Variants in MYO16 observed in about 807,000 individuals in gnomAD.
MYO16 encodes the protein unconventional myosin-XVI.
Under a neutral mutation model 205.3 loss-of-function variants are expected in MYO16, and 94 were observed. The ratio of observed to expected loss-of-function variants is 0.46; its 90% CI spans 0.39 to 0.54. MYO16 has a LOEUF of 0.54. Among genes scored for constraint, MYO16 ranks in the 20% least tolerant of loss-of-function variants. The probability of loss-of-function intolerance (pLI) is 0.00; values close to 1 mark genes in which losing one functional copy is unlikely to be tolerated. For synonymous variants in MYO16, 988 were observed against 954.0 expected, an observed-to-expected ratio of 1.04 and a Z score of -0.66; for missense variants, 2,315 against 2,387.5, an observed-to-expected ratio of 0.97 and a Z score of 0.63.
chr13:109,178,711 G>A (rs552078414), intron 33 of MYO16, among the ~76,000 whole-genome samples: 1 of 152,238 alleles, frequency 6.6e-6, no homozygotes, highest in Admixed American at 6.5e-5. Context: ...TGCCCTCCAA[G>A]GAACTTTTGG....
chr13:108,667,465 G>T (rs1383446375), intron 2 of MYO16, among the ~76,000 whole-genome samples: 1 of 152,014 alleles, frequency 6.6e-6, no homozygotes. Context: ...TTTCTGGAAA[G>T]CTGTCTGGAG....
chr13:108,662,473 A>T (rs1594187079), intron 1 of MYO16, among the ~76,000 whole-genome samples: 1 of 151,690 alleles, frequency 6.6e-6, no homozygotes, highest in Non-Finnish European at 1.5e-5. Context: ...GCTTTGGGGG[A>T]TGGTGGTGAG....
At chr13:108,983,811 T>C (rs1321033069) in intron 20 of MYO16, among the ~76,000 whole-genome samples, 1 of 152,160 alleles carries the variant, frequency 6.6e-6, no homozygotes, top group Non-Finnish European at 1.5e-5. Context: ...AGGTTGAAAT[T>C]GTGAGGAAGT....
chr13:108,661,179 T>C (rs1052784045), intron 1 of MYO16, among the ~76,000 whole-genome samples: 3 of 152,188 alleles, frequency 2.0e-5, no homozygotes, highest in Non-Finnish European at 2.9e-5. Context: ...TTTTCTTTCT[T>C]AGGTTACCTG....
At chr13:109,134,076 G>C (rs57209635) in intron 31 of MYO16, among the ~76,000 whole-genome samples, 1 of 152,092 alleles carries the variant, frequency 6.6e-6, no homozygotes, top group Non-Finnish European at 1.5e-5. Flanking sequence ...TGATAATGTC[G>C]ATCATGATGG....
chr13:108,634,473 A>G (rs1880132943), intron 1 of MYO16, among the ~76,000 whole-genome samples: 1 of 151,996 alleles, frequency 6.6e-6, no homozygotes, highest in Admixed American at 6.6e-5. Context: ...CTTCCAATTA[A>G]GCAAAAGTCC....
the MYO16 span, among the ~76,000 whole-genome samples, chr13:108,525,965 G>T: frequency 2.0e-5 from 3 of 151,136 alleles, no homozygotes; most frequent in Admixed American, 1.3e-4. Flanking sequence ...CTGGGGAGGG[G>T]ATAGGGAGGA....
chr13:108,562,634 C>A, the MYO16 span, among the ~76,000 whole-genome samples: 8 of 152,098 alleles, frequency 5.3e-5, no homozygotes, highest in African/African-American at 1.9e-4. Flanking sequence ...CAGTCACATG[C>A]CACATAATGA....
At chr13:108,645,047 C>T (rs1880689613) in intron 1 of MYO16, among the ~76,000 whole-genome samples, 1 of 152,154 alleles carries the variant, frequency 6.6e-6, no homozygotes, top group Non-Finnish European at 1.5e-5. Context: ...GAAACAGTAG[C>T]AGAGACATCA....
chr13:108,793,831 G>C (rs143703185), intron 6 of MYO16, among the ~76,000 whole-genome samples, 191 bp downstream of exon 6: 5 of 152,124 alleles, frequency 3.3e-5, no homozygotes, highest in African/African-American at 1.2e-4. Flanking sequence ...CCCATTATTG[G>C]GTGTCTACCC....
At chr13:108,941,914 C>T (rs999955112) in intron 16 of MYO16, among the ~76,000 whole-genome samples, 12 of 152,190 alleles carry the variant, frequency 7.9e-5, no homozygotes, top group African/African-American at 2.9e-4. Context: ...ACTACAGACA[C>T]ATTATACTCC....
the MYO16 span, among the ~76,000 whole-genome samples, chr13:108,505,990 T>C: frequency 6.6e-6 from 1 of 152,184 alleles, no homozygotes; most frequent in African/African-American, 2.4e-5. Flanking sequence ...GAATTTATTC[T>C]GGGCTCTCTA....
intron 2 of MYO16, among the ~76,000 whole-genome samples, chr13:108,689,454 C>A (rs960991765): frequency 7.9e-5 from 12 of 151,960 alleles, no homozygotes; most frequent in African/African-American, 2.7e-4. Context: ...TGTAAAGGAA[C>A]CCACTTTATT....
chr13:109,152,274 G>A (rs1025980970), intron 32 of MYO16, among the ~76,000 whole-genome samples: 3 of 152,086 alleles, frequency 2.0e-5, no homozygotes, highest in African/African-American at 4.8e-5. Context: ...GAGAAGCTAC[G>A]GGACCTTGAT....
At chr13:108,674,636 T>A (rs10492419) in intron 2 of MYO16, among the ~76,000 whole-genome samples, 1,990 of 152,266 alleles carry the variant, frequency 0.013, 37 homozygotes, top group African/African-American at 0.046. Context: ...TTAGAATCCG[T>A]CAAATCTACT....
At chr13:108,506,122 C>T in the MYO16 span, among the ~76,000 whole-genome samples, 7 of 151,526 alleles carry the variant, frequency 4.6e-5, no homozygotes, top group African/African-American at 1.7e-4. Context: ...CTTTTTTTCT[C>T]AGTATTGTTT....
intron 16 of MYO16, among the ~76,000 whole-genome samples, chr13:108,914,445 T>C (rs1336654992): frequency 2.0e-5 from 3 of 152,148 alleles, no homozygotes; most frequent in Non-Finnish European, 4.4e-5. Context: ...TTGGATGAAG[T>C]ACACTAAGTC....
intron 16 of MYO16, among the ~76,000 whole-genome samples, chr13:108,927,690 G>A (rs1044499695): frequency 5.9e-5 from 9 of 152,238 alleles, no homozygotes; most frequent in Non-Finnish European, 1.0e-4. Flanking sequence ...CCAAGCGGAC[G>A]GACAGACATG....
chr13:108,888,035 A>G (rs1879984985), intron 13 of MYO16, among the ~76,000 whole-genome samples: 1 of 152,176 alleles, frequency 6.6e-6, no homozygotes, highest in Non-Finnish European at 1.5e-5. Flanking sequence ...CCTTTCTGGC[A>G]TAATTCACCT....
Sources: gnomAD v4.1 joint callset for allele counts (sites outside exome capture counted in the v4.1 genomes callset) on GRCh38, gnomAD v4.1.1 for gene constraint, MANE v1.5 for transcripts, NCBI Gene and HGNC (gene_info 2026-07-23, HGNC 2026-07-21) for gene names.